Variants in THUMPD3 observed in about 807,000 individuals in gnomAD.
THUMPD3 encodes tRNA (guanine(6)-N(2))-methyltransferase THUMP3.
Under a neutral mutation model 54.5 loss-of-function variants are expected in THUMPD3, and 44 were observed. The ratio of observed to expected loss-of-function variants is 0.81; its 90% CI spans 0.63 to 1.04. The LOEUF (loss-of-function observed/expected upper bound fraction) is 1.04. THUMPD3 is among the 50% of genes least tolerant of loss of function. The probability of loss-of-function intolerance (pLI) is 0.00; values close to 1 mark genes in which losing one functional copy is unlikely to be tolerated. For missense variants in THUMPD3, 604 were observed against 601.3 expected (o/e 1.00, Z -0.05); for synonymous variants, 196 against 201.4 (o/e 0.97, Z 0.23).
intron 6 of THUMPD3, among the ~76,000 whole-genome samples, chr3:9,379,138 AT>A (rs201687992): frequency 1.2e-3 from 178 of 148,994 alleles, no homozygotes; most frequent in South Asian, 1.7e-3. Context: ...ATCTAGAATA[AT>A]TTTTTTTTTT....
rs1157205142 is a variant in THUMPD3, at chr3:9,384,992, T to G, written c.*304T>G. The G allele has an allele frequency of 1.6e-5, 4 of 254,866 alleles. No individual in the cohort carries two copies. Among genetic ancestry groups the G allele is most frequent in the Non-Finnish European group, 3.1e-5 (4 of 128,432 alleles). 15.8% of individuals were successfully genotyped at this position (254,866 alleles called of 1,614,324 possible). ...CTGTCTCTACTAGAAATACAAAAATTAGCCAGGTGTGGTGGCGGGCGCCTG... is the reference window on the plus strand; with the variant it reads ...CTGTCTCTACTAGAAATACAAAAATGAGCCAGGTGTGGTGGCGGGCGCCTG... On this transcript the variant is annotated 3_prime_UTR_variant, in exon 10 of 10. Coordinates refer to ENST00000452837, the MANE Select transcript of THUMPD3 (RefSeq NM_001114092.2).
intron 5 of THUMPD3, among the ~76,000 whole-genome samples, chr3:9,376,379 A>G (rs1295039928): frequency 6.6e-6 from 1 of 152,168 alleles, no homozygotes. Context: ...ATCTAAATTT[A>G]TGTATTTCCA....
At chr3:9,364,434 C>T (rs948917996) in intron 1 of THUMPD3, among the ~76,000 whole-genome samples, 5 of 152,074 alleles carry the variant, frequency 3.3e-5, no homozygotes, top group African/African-American at 1.2e-4. Flanking sequence ...GCAATCTCCA[C>T]CTCCCGGATT....
chr3:9,383,902 A>G, intron 8 of THUMPD3, among the ~76,000 whole-genome samples: 1 of 152,230 alleles, frequency 6.6e-6, no homozygotes, highest in African/African-American at 2.4e-5. Flanking sequence ...GATTACAGGC[A>G]TGAGCCACCA....
In THUMPD3 at chr3:9,370,402, T is replaced by A. The variant is rs550124262; in HGVS notation, c.331-658T>A. ...TTGGGTATAAAATTTGGAGTTAGGCTTTCTTTCCTTAAGAATATTGTAGTC... is the reference window on the plus strand; with the variant it reads ...TTGGGTATAAAATTTGGAGTTAGGCATTCTTTCCTTAAGAATATTGTAGTC... On this transcript the variant is annotated intron_variant, in intron 3 of 9. Coordinates refer to ENST00000452837, the MANE Select transcript of THUMPD3 (RefSeq NM_001114092.2). Among the ~76,000 whole-genome samples the A allele has an allele frequency of 3.9e-5, 6 of 152,378 alleles. No individual in the cohort carries two copies. The South Asian group carries it at 1.2e-3, about 32-fold the overall frequency.
At position 9,385,882 on chromosome 3, in the gene THUMPD3, CA is replaced by C. The variant is rs2125341401; in HGVS notation, c.*1196del. Reference sequence around the variant, plus strand: ...TCACATTTAATTGCTTTTCCAGTTGCAACAAGTCCTTCTTGAGAGTTTTGTG... The same window carrying C: ...TCACATTTAATTGCTTTTCCAGTTGCACAAGTCCTTCTTGAGAGTTTTGTG... On this transcript the variant is annotated 3_prime_UTR_variant, in exon 10 of 10. Transcript: ENST00000452837. 6.6e-6 allele frequency: 1 copy of C among 152,310 alleles called. No homozygotes were observed. Among genetic ancestry groups the C allele is most frequent in the East Asian group, 1.9e-4 (1 of 5,186 alleles). The allele number at this position is 152,310 out of a possible 1,614,324, so 9.4% of individuals were successfully genotyped here.
chr3:9,370,802 T>A (rs2031974701), intron 3 of THUMPD3, among the ~76,000 whole-genome samples: 1 of 152,190 alleles, frequency 6.6e-6, no homozygotes, highest in East Asian at 1.9e-4. Context: ...ACTATTTCCA[T>A]AGCATTTACA....
At chr3:9,377,203 CGTGTGTGT>C (rs137922488) in intron 5 of THUMPD3, among the ~76,000 whole-genome samples, 2 of 148,728 alleles carry the variant, frequency 1.3e-5, no homozygotes. Flanking sequence ...TATGCATGAG[CGTGTGTGT>C]GTGTGTGTGT....
At chr3:9,367,686 T>C (rs1344480205) in intron 3 of THUMPD3, among the ~76,000 whole-genome samples, 1 of 152,232 alleles carries the variant, frequency 6.6e-6, no homozygotes, top group Non-Finnish European at 1.5e-5. Context: ...TTGGCAAGCA[T>C]GTTGATTTCC....
In THUMPD3 at chr3:9,383,214, C is replaced by T. The variant is rs1300522905; in HGVS notation, c.1140C>T (p.Gly380=). The change falls in exon 8 of 10, where the codon GGC becomes GGT. Residue 380 remains glycine, a synonymous_variant. Coordinates refer to ENST00000452837, the MANE Select transcript of THUMPD3 (RefSeq NM_001114092.2). The part of the protein sequence containing the change: ...SQIKEGKPSW[G]LPIDAVQWDI... ...GTCCCCACAGCAAACCCTCCTGGGG[C>T]TTGCCCATAGATGCTGTTCAGTGGG... is the stretch of plus-strand genomic sequence containing the variant. The T allele has an allele frequency of 1.2e-6, 2 of 1,613,564 alleles. No individual in the cohort carries two copies. Among genetic ancestry groups the T allele is most frequent in the Admixed American group, 1.7e-5 (1 of 60,024 alleles).
At position 9,363,083 on chromosome 3, in the gene THUMPD3, A is replaced by G. The variant is rs1252794100; in HGVS notation, c.-98A>G. On this transcript the variant is annotated 5_prime_UTR_variant, in exon 1 of 10. Coordinates refer to ENST00000452837, the MANE Select transcript of THUMPD3 (RefSeq NM_001114092.2). ...TCCGGCGGCGTGACCTGACCGCAAG[A>G]GGCCAATGGAGTGTGGGAGCTGAAA... 6.6e-6 allele frequency: 1 copy of G among 152,258 alleles called. No individual in the cohort carries two copies. Among genetic ancestry groups the G allele is most frequent in the Non-Finnish European group, 1.5e-5 (1 of 68,092 alleles). The allele number at this position is 152,258 out of a possible 1,614,324, so 9.4% of individuals were successfully genotyped here.
chr3:9,368,100 G>A (rs914144189), intron 3 of THUMPD3, among the ~76,000 whole-genome samples: 10 of 152,076 alleles, frequency 6.6e-5, no homozygotes, highest in African/African-American at 2.4e-4. Context: ...GATAAAAATT[G>A]TATTAAGTAA....
Position 9,384,694 on chromosome 3 carries a change from A to G in THUMPD3, c.*6A>G. 6.2e-7 allele frequency: 1 copy of G among 1,614,050 alleles called. No homozygotes were observed. The highest frequency in any genetic ancestry group is 1.1e-5 in the South Asian group (1 of 91,084). On this transcript the variant is annotated 3_prime_UTR_variant, in exon 10 of 10. Coordinates refer to ENST00000452837, the MANE Select transcript of THUMPD3 (RefSeq NM_001114092.2). Reference sequence around the variant, plus strand: ...TTTGGCAATGCAAAGAATGAAGATGACTAATAGTACTTGTACTTCCCACCA... The same window carrying G: ...TTTGGCAATGCAAAGAATGAAGATGGCTAATAGTACTTGTACTTCCCACCA...
chr3:9,381,865 C>T (rs2728926), intron 7 of THUMPD3, among the ~76,000 whole-genome samples: 17,916 of 141,126 alleles, frequency 0.13, 1,992 homozygotes, highest in East Asian at 0.37. Context: ...CTGCAAGCTC[C>T]GCCTCCCGGG....
At chr3:9,363,527 T>C (rs2031091192) in intron 1 of THUMPD3, 2 of 152,128 alleles carry the variant, frequency 1.3e-5, no homozygotes, top group Non-Finnish European at 2.9e-5. Flanking sequence ...ACATTATAGG[T>C]ATTCTGTACT....
rs1448386397 is a variant in THUMPD3, at chr3:9,386,504, T to G, written c.*1816T>G. On this transcript the variant is annotated 3_prime_UTR_variant, in exon 10 of 10. Transcript: ENST00000452837. The stretch of plus-strand genomic sequence containing the variant: ...TTAAGGAAATCATTTTTTACTTGAT[T>G]CATCATAGCTTTAATTCTATTACAT... 6.6e-6 allele frequency: 1 copy of G among 152,098 alleles called. No individual in the cohort carries two copies. Among genetic ancestry groups the G allele is most frequent in the African/African-American group, 2.4e-5 (1 of 41,402 alleles). The allele number at this position is 152,098 out of a possible 1,614,324, so 9.4% of individuals were successfully genotyped here.
At chr3:9,379,131 T>C (rs1194012626) in intron 6 of THUMPD3, among the ~76,000 whole-genome samples, 1 of 151,704 alleles carries the variant, frequency 6.6e-6, no homozygotes, top group Non-Finnish European at 1.5e-5. Flanking sequence ...ATACTTGATC[T>C]AGAATAATTT....
intron 5 of THUMPD3, among the ~76,000 whole-genome samples, chr3:9,376,532 C>G (rs1252533017): frequency 1.3e-5 from 2 of 152,286 alleles, no homozygotes; most frequent in African/African-American, 4.8e-5. Context: ...GTGCTTACCC[C>G]CTCAAGAGGG....
Position 9,385,501 on chromosome 3 carries a change from A to G in THUMPD3, c.*813A>G, listed in dbSNP as rs921224055. The G allele has an allele frequency of 2.6e-5, 4 of 152,230 alleles. No homozygotes were observed. The highest frequency in any genetic ancestry group is 7.2e-5 in the African/African-American group (3 of 41,470). The allele number at this position is 152,230 out of a possible 1,614,324, so 9.4% of individuals were successfully genotyped here. On this transcript the variant is annotated 3_prime_UTR_variant, in exon 10 of 10. Coordinates refer to ENST00000452837, the MANE Select transcript of THUMPD3 (RefSeq NM_001114092.2). ...TATAAGACGAAGTCTCACAAGACCT[A>G]TAGGAAAGTTTACCATCTGCCTTAA...
Sources: gnomAD v4.1 joint callset for allele counts (sites outside exome capture counted in the v4.1 genomes callset) on GRCh38, gnomAD v4.1.1 for gene constraint, MANE v1.5 for transcripts, NCBI Gene and HGNC (gene_info 2026-07-23, HGNC 2026-07-21) for gene names.